The following MDFIC variants were observed in gnomAD, a reference collection of about 807,000 sequenced individuals.
MDFIC encodes the protein myoD family inhibitor domain-containing protein.
In MDFIC, 17 loss-of-function variants were observed where a neutral mutation model predicts 23.2. The observed-to-expected ratio is 0.73, with a 90% CI of 0.50 to 1.10. MDFIC has a LOEUF of 1.10. Among genes scored for constraint, MDFIC ranks in the 50% least tolerant of loss-of-function variants. The pLI, the probability that MDFIC is intolerant of heterozygous loss-of-function variation, is 0.00. For synonymous variants in MDFIC, 120 were observed against 115.2 expected (o/e 1.04, Z -0.27); for missense variants, 356 against 316.6 (o/e 1.12, Z -0.95).
chr7:114,952,583 A>G (rs925745249), intron 3 of MDFIC, among the ~76,000 whole-genome samples: 3 of 152,192 alleles, frequency 2.0e-5, no homozygotes, highest in Admixed American at 2.0e-4. Context: ...GAGGGTGAAA[A>G]TTACATTAAA....
chr7:114,970,311 C>T (rs760619008), intron 3 of MDFIC, among the ~76,000 whole-genome samples: 3 of 152,188 alleles, frequency 2.0e-5, no homozygotes, highest in African/African-American at 7.2e-5. Context: ...TAGGGTGGAA[C>T]AGTCATAAGC....
At chr7:114,963,763 A>G (rs1406596169) in intron 3 of MDFIC, among the ~76,000 whole-genome samples, 3 of 152,088 alleles carry the variant, frequency 2.0e-5, no homozygotes, top group Non-Finnish European at 4.4e-5. Flanking sequence ...TTGTTTTTGT[A>G]GAGATGGGAT....
At chr7:114,926,184 G>A (rs749235859) in intron 2 of MDFIC, among the ~76,000 whole-genome samples, 4 of 152,168 alleles carry the variant, frequency 2.6e-5, no homozygotes, top group Admixed American at 2.6e-4. Context: ...AATCCAAAGA[G>A]CCTTTGAATT....
chr7:114,942,046 G>T (rs1792551645), intron 2 of MDFIC, among the ~76,000 whole-genome samples: 1 of 152,096 alleles, frequency 6.6e-6, no homozygotes, highest in Non-Finnish European at 1.5e-5. Flanking sequence ...AAACTTAACA[G>T]ATTATTTTTA....
At chr7:114,936,255 C>T (rs989566652) in intron 2 of MDFIC, among the ~76,000 whole-genome samples, 1 of 152,108 alleles carries the variant, frequency 6.6e-6, no homozygotes, top group Non-Finnish European at 1.5e-5. Context: ...TCATTTTATT[C>T]GTCAGGAAGG....
At chr7:114,967,864 C>G (rs1350401217) in intron 3 of MDFIC, among the ~76,000 whole-genome samples, 2 of 122,144 alleles carry the variant, frequency 1.6e-5, no homozygotes, top group Non-Finnish European at 3.4e-5. Flanking sequence ...GATGGAGTCT[C>G]TCTTTGTTGG....
intron 3 of MDFIC, among the ~76,000 whole-genome samples, chr7:114,953,318 A>C (rs1256396379): frequency 6.6e-6 from 1 of 152,230 alleles, no homozygotes; most frequent in African/African-American, 2.4e-5. Flanking sequence ...AAACAAAAAA[A>C]TAGGTATATA....
chr7:114,955,764 C>A (rs1792871615), intron 3 of MDFIC, among the ~76,000 whole-genome samples: 1 of 152,134 alleles, frequency 6.6e-6, no homozygotes, highest in Non-Finnish European at 1.5e-5. Context: ...TCTTAAGGAG[C>A]TAATTTTCTC....
At chr7:115,008,950 A>G (rs897030994) in intron 4 of MDFIC, among the ~76,000 whole-genome samples, 2 of 152,220 alleles carry the variant, frequency 1.3e-5, no homozygotes, top group East Asian at 3.8e-4. Context: ...CGTAGCAGCT[A>G]AAGAATGGGG....
chr7:114,979,842 T>A, intron 4 of MDFIC, 61 bp downstream of exon 4: 1 of 1,553,208 alleles, frequency 6.4e-7, no homozygotes, highest in Non-Finnish European at 8.9e-7. Context: ...TTCCTGGTAA[T>A]TATTTGATCA....
chr7:114,926,537 C>T (rs535621642), intron 2 of MDFIC, among the ~76,000 whole-genome samples: 20 of 152,238 alleles, frequency 1.3e-4, no homozygotes, highest in Middle Eastern at 3.4e-3. Context: ...TTTGTCAAGA[C>T]GTAGATCGTT....
chr7:114,944,149 A>T (rs779803783), intron 3 of MDFIC, among the ~76,000 whole-genome samples: 6 of 152,176 alleles, frequency 3.9e-5, no homozygotes, highest in Non-Finnish European at 5.9e-5. Flanking sequence ...ATAATGACGT[A>T]CCCTGTGCCA....
intron 3 of MDFIC, among the ~76,000 whole-genome samples, chr7:114,958,367 AT>A (rs1472550366): frequency 1.3e-5 from 2 of 152,222 alleles, no homozygotes; most frequent in African/African-American, 4.8e-5. Flanking sequence ...CACAAACAAA[AT>A]ACGCTCTCTT....
chr7:115,015,484 T>C (rs966819597), intron 4 of MDFIC, among the ~76,000 whole-genome samples: 2 of 152,184 alleles, frequency 1.3e-5, no homozygotes, highest in Admixed American at 6.5e-5. Flanking sequence ...TTTTTTTTTT[T>C]CGAACTAAGT....
intron 4 of MDFIC, among the ~76,000 whole-genome samples, chr7:114,980,964 C>T (rs1236007522): frequency 6.6e-6 from 1 of 152,156 alleles, no homozygotes; most frequent in African/African-American, 2.4e-5. Flanking sequence ...TGCATAGTTC[C>T]AGGTCAGTGA....
intron 2 of MDFIC, among the ~76,000 whole-genome samples, chr7:114,938,030 ACTGCAACCT>A: frequency 6.6e-6 from 1 of 152,236 alleles, no homozygotes; most frequent in South Asian, 2.1e-4. Context: ...ATCTTGGCTC[ACTGCAACCT>A]CTGTCTTCCC....
intron 3 of MDFIC, among the ~76,000 whole-genome samples, chr7:114,978,157 G>A (rs950149443): frequency 2.6e-5 from 4 of 151,794 alleles, no homozygotes; most frequent in African/African-American, 9.7e-5. Context: ...TGGCTTGTAT[G>A]TCTATGCCTG....
In MDFIC at chr7:114,958,422, A is replaced by T. The variant is rs184120070; in HGVS notation, c.217+16025A>T. Among the ~76,000 whole-genome samples the T allele has an allele frequency of 9.2e-5, 14 of 152,310 alleles. No individual in the cohort carries two copies. In the East Asian group the frequency reaches 2.5e-3, roughly 27 times the overall value. ...TTGTGAAGTCTTTACTCTGAAATTG[A>T]TGAAGGTTATCACCGTTACCTTAAA... On this transcript the variant is annotated intron_variant, in intron 3 of 4. Transcript: ENST00000393486.
chr7:115,014,291 T>C, intron 4 of MDFIC: 1 of 985,442 alleles, frequency 1.0e-6, no homozygotes. Flanking sequence ...CCCTGGTGTT[T>C]GTTTTTCTTT....
Sources: allele counts gnomAD v4.1 joint callset (sites outside exome capture counted in the v4.1 genomes callset), GRCh38; gene constraint gnomAD v4.1.1; transcripts MANE v1.5; gene names NCBI Gene and HGNC (gene_info 2026-07-23, HGNC 2026-07-21).